Variants in AFF3 observed in about 807,000 individuals in gnomAD.
AFF3 encodes AF4/FMR2 family member 3.
In AFF3, 32 loss-of-function variants were observed where a neutral mutation model predicts 129.7. The observed-to-expected ratio is 0.25, with a 90% CI of 0.19 to 0.33. AFF3 has a LOEUF of 0.33. Among genes scored for constraint, AFF3 ranks in the 10% least tolerant of loss-of-function variants. The pLI is 1.00. For synonymous variants in AFF3, 644 were observed against 635.4 expected (o/e 1.01, Z -0.20); for missense variants, 1,373 against 1,592.0 (o/e 0.86, Z 2.34).
At chr2:100,015,026 G>A (rs1559058301) in intron 4 of AFF3, among the ~76,000 whole-genome samples, 3 of 144,230 alleles carry the variant, frequency 2.1e-5, no homozygotes, top group South Asian at 2.2e-4. Flanking sequence ...GGATGGTCTC[G>A]ATCTCCTGAC....
intron 7 of AFF3, among the ~76,000 whole-genome samples, chr2:99,846,440 C>T (rs1689732344): frequency 1.3e-5 from 2 of 152,224 alleles, no homozygotes; most frequent in African/African-American, 4.8e-5. Context: ...GAACATTTTC[C>T]TGAATCTTTA....
intron 8 of AFF3, among the ~76,000 whole-genome samples, chr2:99,775,781 GACA>G (rs1002738924): frequency 3.3e-5 from 5 of 151,916 alleles, no homozygotes; most frequent in African/African-American, 7.3e-5. Flanking sequence ...CCTGAAAGAC[GACA>G]ACATCATTAG....
chr2:100,107,183 G>A (rs11123807), intron 2 of AFF3: 755,393 of 985,266 alleles, frequency 0.77, 290,689 homozygotes, highest in African/African-American at 0.93. Flanking sequence ...AACCCAAATA[G>A]TAGTTGCAGA....
Position 99,741,143 on chromosome 2 carries a change from C to G in AFF3, c.1039+2961G>C, listed in dbSNP as rs575941964. On this transcript the variant is annotated intron_variant, in intron 10 of 24. Coordinates refer to ENST00000672756, the MANE Select transcript of AFF3 (RefSeq NM_001386135.1). ...GCGGCGTTATTTCTGGAAGCATTCC[C>G]TTTGAAAACTGGCACAAGACAGGGA... 4.0e-4 allele frequency among the ~76,000 whole-genome samples: 61 copies of G among 152,234 alleles called. No individual in the cohort carries two copies. The South Asian group carries it at 0.012, about 31-fold the overall frequency.
At chr2:99,777,818 C>CAGCT (rs1309667020) in intron 8 of AFF3, among the ~76,000 whole-genome samples, 1 of 151,760 alleles carries the variant, frequency 6.6e-6, no homozygotes, top group African/African-American at 2.4e-5. Flanking sequence ...TGCCTTCTAC[C>CAGCT]AGCTCCCGGT....
At chr2:100,116,384 G>A (rs1468330127) in intron 2 of AFF3, among the ~76,000 whole-genome samples, 1 of 151,706 alleles carries the variant, frequency 6.6e-6, no homozygotes. Flanking sequence ...TCTACCATTC[G>A]CAAGGAGCTA....
At chr2:99,593,166 C>T (rs1243458772) in intron 15 of AFF3, 29 bp downstream of exon 15, 1 of 1,535,144 alleles carries the variant, frequency 6.5e-7, no homozygotes, top group East Asian at 2.3e-5. Context: ...CCCTCCACGC[C>T]CCCGCACCCC....
chr2:99,828,183 G>C (rs1688238279), intron 8 of AFF3, among the ~76,000 whole-genome samples: 1 of 152,184 alleles, frequency 6.6e-6, no homozygotes, highest in Non-Finnish European at 1.5e-5. Flanking sequence ...GGAGAAAAGT[G>C]TCTTAAAGGT....
chr2:99,743,238 C>T (rs565426600), intron 10 of AFF3, among the ~76,000 whole-genome samples: 11 of 152,288 alleles, frequency 7.2e-5, no homozygotes, highest in East Asian at 5.8e-4. Flanking sequence ...TCTAGCTGCG[C>T]ATGAAAATTC....
chr2:100,000,374 G>C (rs1344715241), intron 7 of AFF3, among the ~76,000 whole-genome samples: 1 of 151,936 alleles, frequency 6.6e-6, no homozygotes, highest in Non-Finnish European at 1.5e-5. Flanking sequence ...CTCAGGAGGG[G>C]GCTAGCATCA....
intron 8 of AFF3, among the ~76,000 whole-genome samples, chr2:99,796,889 G>A (rs1685589446): frequency 6.6e-6 from 1 of 152,136 alleles, no homozygotes; most frequent in Non-Finnish European, 1.5e-5. Flanking sequence ...AAAGAATCTT[G>A]CCTCAGAACT....
At chr2:100,068,296 G>A (rs1173780337) in intron 4 of AFF3, among the ~76,000 whole-genome samples, 1 of 152,158 alleles carries the variant, frequency 6.6e-6, no homozygotes, top group African/African-American at 2.4e-5. Context: ...AAGAAATACA[G>A]AAAACAAAGG....
At chr2:99,786,581 T>C (rs2105413248) in intron 8 of AFF3, among the ~76,000 whole-genome samples, 1 of 152,302 alleles carries the variant, frequency 6.6e-6, no homozygotes, top group Non-Finnish European at 1.5e-5. Context: ...GGTTGATAAT[T>C]GTGGCTCTGC....
intron 22 of AFF3, among the ~76,000 whole-genome samples, chr2:99,556,993 G>A (rs1674986555): frequency 6.6e-6 from 1 of 151,992 alleles, no homozygotes; most frequent in Non-Finnish European, 1.5e-5. Context: ...TATTGTATGG[G>A]ATGGTGACTA....
chr2:99,852,059 T>G (rs1690184782), intron 7 of AFF3, among the ~76,000 whole-genome samples: 1 of 152,132 alleles, frequency 6.6e-6, no homozygotes, highest in African/African-American at 2.4e-5. Context: ...TGTGGCCTGC[T>G]ACATTAACCG....
intron 12 of AFF3, among the ~76,000 whole-genome samples, chr2:99,652,814 A>T (rs370338509): frequency 6.0e-4 from 92 of 152,266 alleles, no homozygotes; most frequent in African/African-American, 2.0e-3. Context: ...CATTCCCTAG[A>T]TTCTGAATGA....
intron 4 of AFF3, among the ~76,000 whole-genome samples, chr2:100,029,162 C>G (rs1243653838): frequency 1.3e-5 from 2 of 152,070 alleles, no homozygotes; most frequent in Non-Finnish European, 2.9e-5. Flanking sequence ...ATGTTGAAGC[C>G]CTAACCTCCA....
chr2:99,597,288 C>CA (rs768813423), intron 14 of AFF3, among the ~76,000 whole-genome samples: 3 of 152,332 alleles, frequency 2.0e-5, no homozygotes, highest in South Asian at 2.1e-4. Context: ...CTTAAAATGA[C>CA]AGAATTAGAT....
intron 13 of AFF3, among the ~76,000 whole-genome samples, chr2:99,643,312 C>A (rs1200139469): frequency 1.3e-5 from 2 of 152,112 alleles, no homozygotes; most frequent in Non-Finnish European, 2.9e-5. Flanking sequence ...CCCGCCTTGG[C>A]CTCCCAAAGT....
Sources: gnomAD v4.1 joint callset for allele counts (sites outside exome capture counted in the v4.1 genomes callset) on GRCh38, gnomAD v4.1.1 for gene constraint, MANE v1.5 for transcripts, NCBI Gene and HGNC (gene_info 2026-07-23, HGNC 2026-07-21) for gene names.